RABL6: variants seen among roughly 807,000 people sequenced by gnomAD.
The protein encoded by RABL6 is rab-like protein 6.
RABL6 carries 28 observed loss-of-function variants against 72.9 expected under a neutral mutation model. The observed-to-expected ratio is 0.38, with a 90% CI of 0.28 to 0.53. RABL6 has a LOEUF of 0.53. RABL6 is among the 20% of genes least tolerant of loss of function. The pLI, the probability that RABL6 is intolerant of heterozygous loss-of-function variation, is 0.80. For missense variants in RABL6, 1,029 were observed against 1,008.4 expected (o/e 1.02, Z -0.28); for synonymous variants, 477 against 421.2 (o/e 1.13, Z -1.62).
Position 136,839,418 on chromosome 9 carries a change from C to G in RABL6, c.1690C>G (p.Gln564Glu). 1 of 1,612,608 alleles carries G rather than the reference C, an allele frequency of 6.2e-7. No homozygotes were observed. The highest frequency in any genetic ancestry group is 8.5e-7 in the Non-Finnish European group (1 of 1,179,740). Residue 564 changes from glutamine (Q) to glutamate (E), a missense_variant, in exon 12 of 15, where the codon CAA becomes GAA. Gln to Glu is a conservative substitution (Grantham distance 29). Transcript: ENST00000311502. ...ESDPEGPIAA[Q>E]MLSFVMDDPD... The stretch of plus-strand genomic sequence containing the variant: ...TGACCCCGAGGGACCCATTGCTGCA[C>G]AAATGCTGTCCTTCGTCATGGATGA...
intron 1 of RABL6, among the ~76,000 whole-genome samples, chr9:136,818,175 A>G (rs1848158754): frequency 6.6e-6 from 1 of 151,376 alleles, no homozygotes; most frequent in Admixed American, 6.6e-5. Flanking sequence ...CATCCTGGCT[A>G]ACACAGTGAA....
In RABL6 at chr9:136,840,386, A is replaced by AGGAGGAGCGGCGACGGCG. The variant is rs1165465108; in HGVS notation, c.2056_2073dup (p.Glu686_Arg691dup). 24 of 1,553,370 alleles carry AGGAGGAGCGGCGACGGCG rather than the reference A, an allele frequency of 1.5e-5. No homozygotes were observed. Among genetic ancestry groups the AGGAGGAGCGGCGACGGCG allele is most frequent in the Non-Finnish European group, 2.0e-5 (23 of 1,148,568 alleles). ...AAGAGCAAGGACAAGGAGGAGGGCA[A>AGGAGGAGCGGCGACGGCG]GGAGGAGCGGCGACGGCGGCAGCAG... On this transcript the variant is annotated inframe_insertion, in exon 15 of 15. Coordinates refer to ENST00000311502, the MANE Select transcript of RABL6 (RefSeq NM_024718.5).
At chr9:136,831,349 G>A (rs1848469353) in intron 5 of RABL6, among the ~76,000 whole-genome samples, 2 of 152,192 alleles carry the variant, frequency 1.3e-5, no homozygotes, top group Non-Finnish European at 1.5e-5. Flanking sequence ...CAGCCACAGG[G>A]TCGACACCAA....
At chr9:136,833,885 G>A (rs1564370096) in intron 7 of RABL6, 2 of 1,550,400 alleles carry the variant, frequency 1.3e-6, no homozygotes, top group Non-Finnish European at 8.7e-7. Context: ...CCTCCTTCCT[G>A]CAGAGCCGTC....
At chr9:136,838,581 G>A (rs1190328717) in intron 10 of RABL6, among the ~76,000 whole-genome samples, 7 of 152,352 alleles carry the variant, frequency 4.6e-5, no homozygotes, top group Admixed American at 2.0e-4. Flanking sequence ...GTGGGGCAGC[G>A]GCTTCCTCCA....
intron 3 of RABL6, chr9:136,827,855 T>C (rs1163899759): frequency 6.6e-6 from 1 of 152,302 alleles, no homozygotes. Context: ...TCTGGAGCCT[T>C]TATCCTCAGG....
At chr9:136,824,674 A>C (rs1197045837) in intron 2 of RABL6, among the ~76,000 whole-genome samples, 1 of 151,748 alleles carries the variant, frequency 6.6e-6, no homozygotes, top group Non-Finnish European at 1.5e-5. Context: ...AAAAAAAAAA[A>C]CTAGTGGGTT....
intron 13 of RABL6, 92 bp from the exon 14 acceptor site, chr9:136,840,062 C>T (rs45476400): frequency 0.12 from 187,872 of 1,570,916 alleles, 12,017 homozygotes; most frequent in Middle Eastern, 0.17. Flanking sequence ...GGCTGGGGCT[C>T]GCTGCTTTGT....
chr9:136,823,785 T>TGACGTGGGGGCCCTGGCGTG, intron 2 of RABL6, 126 bp downstream of exon 2: 1 of 1,257,264 alleles, frequency 8.0e-7, no homozygotes, highest in East Asian at 2.7e-5. Context: ...GGGACCCTGC[T>TGACGTGGGGGCCCTGGCGTG]GACGTGGGGG....
At chr9:136,832,570 C>T in intron 7 of RABL6, 200 bp downstream of exon 7, 2 of 651,758 alleles carry the variant, frequency 3.1e-6, no homozygotes, top group Non-Finnish European at 5.6e-6. Flanking sequence ...GAGGGCTAGA[C>T]CCAGTCCCAG....
chr9:136,814,057 C>T, intron 1 of RABL6: 1 of 385,538 alleles, frequency 2.6e-6, no homozygotes, highest in Non-Finnish European at 5.2e-6. Context: ...GTCTTTCAAA[C>T]CAGCGAGTTC....
chr9:136,840,381 G>C lies in RABL6; in HGVS notation c.2049G>C (p.Glu683Asp). Residue 683 changes from glutamate to aspartate, a missense_variant, in exon 15 of 15, where the codon GAG becomes GAC. By Grantham distance (45) the Glu-to-Asp change is conservative. Around this residue, in one of 2 missense-constraint regions of RABL6, gnomAD observed 595 missense variants for 472.4 expected, o/e 1.26. Coordinates refer to ENST00000311502, the MANE Select transcript of RABL6 (RefSeq NM_024718.5). The part of the protein sequence containing the change: ...SKHKKSKDKE[E>D]GKEERRRRQQ... ...ACAAGAAGAGCAAGGACAAGGAGGA[G>C]GGCAAGGAGGAGCGGCGACGGCGGC... The C allele has an allele frequency of 1.3e-6, 2 of 1,554,320 alleles. No individual in the cohort carries two copies. The highest frequency in any genetic ancestry group is 1.7e-6 in the Non-Finnish European group (2 of 1,149,080).
intron 5 of RABL6, 55 bp from the exon 6 acceptor site, chr9:136,831,666 A>G (rs1848476252): frequency 6.2e-7 from 1 of 1,602,556 alleles, no homozygotes; most frequent in Admixed American, 1.7e-5. Context: ...CTTTCCAGGG[A>G]GGGACAGGGC....
intron 1 of RABL6, chr9:136,821,300 C>T (rs551567766): frequency 1.0e-6 from 1 of 983,158 alleles, no homozygotes; most frequent in East Asian, 1.1e-4. Context: ...CTGTGACCGT[C>T]TCTGCGCTCT....
At chr9:136,823,313 C>T (rs1158160222) in intron 1 of RABL6, among the ~76,000 whole-genome samples, 2 of 152,100 alleles carry the variant, frequency 1.3e-5, no homozygotes, top group Non-Finnish European at 2.9e-5. Context: ...CGTTGATGCT[C>T]TGTGTGCTGC....
At chr9:136,839,908 G>C in intron 13 of RABL6, 43 bp downstream of exon 13, 1 of 1,581,858 alleles carries the variant, frequency 6.3e-7, no homozygotes, top group South Asian at 1.1e-5. Context: ...CTGGAGTTTG[G>C]GTAGAACGTG....
chr9:136,808,190 C>A lies in RABL6; in HGVS notation c.-7C>A. On this transcript the variant is annotated 5_prime_UTR_variant, in exon 1 of 15. Transcript: ENST00000311502. ...CCGCGCCCGGGCTGGGACGTCCGAG[C>A]GGGAAGATGTTTTCCGCCCTGAAGA... 1 of 1,519,026 alleles carries A rather than the reference C, an allele frequency of 6.6e-7. No individual in the cohort carries two copies. Among genetic ancestry groups the A allele is most frequent in the Non-Finnish European group, 8.8e-7 (1 of 1,134,288 alleles). The allele number at this position is 1,519,026 out of a possible 1,614,324, so 94.1% of individuals were successfully genotyped here. A position where few individuals can be genotyped will look rare whatever the true frequency, so the allele number is the denominator to read the frequency against.
intron 10 of RABL6, 58 bp from the exon 11 acceptor site, chr9:136,838,851 A>T: frequency 7.0e-7 from 1 of 1,434,914 alleles, no homozygotes; most frequent in Non-Finnish European, 9.3e-7. Context: ...AAGGCCCGTG[A>T]GCCCGGCCAG....
Position 136,808,102 on chromosome 9 carries a change from G to A in RABL6, c.-95G>A, listed in dbSNP as rs1168738145. On this transcript the variant is annotated 5_prime_UTR_variant, in exon 1 of 15. Coordinates refer to ENST00000311502, the MANE Select transcript of RABL6 (RefSeq NM_024718.5). ...CCGCGCCGGCTCCGGCCTCCGGGGG[G>A]GCCGGGGCCGCCGGGACATGGTGCC... 2.3e-6 allele frequency: 3 copies of A among 1,290,932 alleles called. No homozygotes were observed. Among genetic ancestry groups the A allele is most frequent in the East Asian group, 3.7e-5 (1 of 26,788 alleles). 80.0% of individuals were successfully genotyped at this position (1,290,932 alleles called of 1,614,324 possible).
Sources: allele counts gnomAD v4.1 joint callset (sites outside exome capture counted in the v4.1 genomes callset), GRCh38; gene constraint gnomAD v4.1.1; regional missense constraint gnomAD v4.1.1; transcripts MANE v1.5; gene names NCBI Gene and HGNC (gene_info 2026-07-23, HGNC 2026-07-21).